The following ODAD1 variants were observed in gnomAD, a reference collection of about 807,000 sequenced individuals.
The protein encoded by ODAD1 is outer dynein arm docking complex subunit 1, also known as outer dynein arm-docking complex subunit 1.
In ODAD1, 49 loss-of-function variants were observed where a neutral mutation model predicts 67.2. The observed-to-expected ratio is 0.73, with a 90% CI of 0.58 to 0.92. ODAD1 has a LOEUF of 0.92. Ranked by LOEUF, ODAD1 falls within the 40% of genes least tolerant of loss-of-function variation. The pLI is 0.00. For synonymous variants in ODAD1, 345 were observed against 393.7 expected, an observed-to-expected ratio of 0.88 and a Z score of 1.46; for missense variants, 897 against 953.7, an observed-to-expected ratio of 0.94 and a Z score of 0.78.
chr19:48,306,536 G>A (rs1968612298), intron 7 of ODAD1, among the ~76,000 whole-genome samples: 1 of 152,146 alleles, frequency 6.6e-6, no homozygotes, highest in East Asian at 1.9e-4. Flanking sequence ...CTGTAGATAA[G>A]CAGAAACTAA....
intron 5 of ODAD1, among the ~76,000 whole-genome samples, chr19:48,314,757 A>G (rs1348367303): frequency 6.6e-6 from 1 of 152,018 alleles, no homozygotes; most frequent in Non-Finnish European, 1.5e-5. Context: ...CCTGGCCAAA[A>G]TGGTGAAACC....
intron 12 of ODAD1, among the ~76,000 whole-genome samples, chr19:48,300,595 C>T (rs1968437435): frequency 6.6e-6 from 1 of 151,898 alleles, no homozygotes; most frequent in Admixed American, 6.6e-5. Flanking sequence ...AAAAGGCAAG[C>T]TACAGTATAA....
intron 5 of ODAD1, among the ~76,000 whole-genome samples, chr19:48,313,593 T>C (rs1968827614): frequency 6.6e-6 from 1 of 151,796 alleles, no homozygotes; most frequent in African/African-American, 2.4e-5. Flanking sequence ...CTTAGAAAAA[T>C]GGGAAATTGC....
At chr19:48,305,837 G>C (rs1166719627) in intron 8 of ODAD1, among the ~76,000 whole-genome samples, 2 of 151,824 alleles carry the variant, frequency 1.3e-5, no homozygotes, top group African/African-American at 4.8e-5. Context: ...GAGGCGGGTA[G>C]ATCATGAGCT....
intron 13 of ODAD1, 23 bp downstream of exon 13, chr19:48,298,154 C>T (rs1968359056): frequency 6.2e-7 from 1 of 1,612,014 alleles, no homozygotes; most frequent in African/African-American, 1.3e-5. Flanking sequence ...GGCCTCCTGT[C>T]CCGGCTCCCT....
chr19:48,301,561 G>A (rs1255412904), intron 12 of ODAD1, among the ~76,000 whole-genome samples: 1 of 152,144 alleles, frequency 6.6e-6, no homozygotes, highest in Non-Finnish European at 1.5e-5. Context: ...AAGAAATTTG[G>A]TAACTAAGAC....
chr19:48,310,915 TA>T (rs774945356), intron 7 of ODAD1, among the ~76,000 whole-genome samples: 157 of 140,202 alleles, frequency 1.1e-3, no homozygotes, highest in Middle Eastern at 3.6e-3. Flanking sequence ...TGTCCCTACT[TA>T]AAAAAAAAAA....
intron 11 of ODAD1, 38 bp downstream of exon 11, chr19:48,302,975 G>T (rs938203086): frequency 6.2e-7 from 1 of 1,604,086 alleles, no homozygotes; most frequent in Non-Finnish European, 8.5e-7. Context: ...GGGAGGCCGG[G>T]AGGAGAGGAG....
Position 48,297,337 on chromosome 19 carries a change from C to T in ODAD1, c.1763G>A (p.Ser588Asn), listed in dbSNP as rs1443801835. 5.6e-6 allele frequency: 9 copies of T among 1,612,644 alleles called. 1 individual carries two copies. In the South Asian group the frequency reaches 9.9e-5, roughly 18 times the overall value. The change falls in exon 16 of 16, where the codon AGC (serine) becomes AAC (asparagine). Residue 588 changes from serine (S) to asparagine (N), a missense_variant. By Grantham distance (46) the Ser-to-Asn change is conservative. Transcript: ENST00000674294. ...GTGGCCAAGAGAGCCACGGTCTCTGCTAGTCTTGTGGCTCAAAATGGACCC... is the reference window on the plus strand; with the variant it reads ...GTGGCCAAGAGAGCCACGGTCTCTGTTAGTCTTGTGGCTCAAAATGGACCC... ...IPGSILSHKT[S>N]RDRGSLGHVT...
intron 10 of ODAD1, 24 bp from the exon 11 acceptor site, chr19:48,303,119 GC>G (rs761777190): frequency 2.6e-6 from 4 of 1,567,888 alleles, no homozygotes; most frequent in Non-Finnish European, 1.8e-6. Flanking sequence ...GCAAGGCGGG[GC>G]CCAGAGAGAG....
chr19:48,315,680 C>T (rs1968879629), intron 5 of ODAD1, among the ~76,000 whole-genome samples: 1 of 152,200 alleles, frequency 6.6e-6, no homozygotes, highest in Non-Finnish European at 1.5e-5. Flanking sequence ...CTCCCCCCAG[C>T]AATCACTCAT....
intron 7 of ODAD1, among the ~76,000 whole-genome samples, chr19:48,307,725 G>C (rs1968647883): frequency 6.6e-6 from 1 of 151,162 alleles, no homozygotes; most frequent in South Asian, 2.1e-4. Context: ...TGAGGCAGGA[G>C]AACGGCGTGA....
intron 5 of ODAD1, among the ~76,000 whole-genome samples, chr19:48,314,347 T>C (rs1215001063): frequency 6.6e-6 from 1 of 152,180 alleles, no homozygotes; most frequent in Non-Finnish European, 1.5e-5. Context: ...CTTCTGGCCT[T>C]TGGAACTATG....
chr19:48,312,157 T>C (rs1968780413), intron 5 of ODAD1, 41 bp from the exon 6 acceptor site: 3 of 1,524,252 alleles, frequency 2.0e-6, no homozygotes, highest in Non-Finnish European at 2.7e-6. Flanking sequence ...GTTGCCTGAA[T>C]GTGGGAGAGA....
chr19:48,306,420 G>T, intron 7 of ODAD1, 97 bp from the exon 8 acceptor site: 1 of 1,038,254 alleles, frequency 9.6e-7, no homozygotes, highest in Non-Finnish European at 1.5e-6. Flanking sequence ...AAGGAGTAAA[G>T]CTCTTGAGCC....
chr19:48,318,735 G>A lies in ODAD1; in HGVS notation c.148C>T (p.His50Tyr). Residue 50 changes from histidine (H) to tyrosine (Y), a missense_variant, in exon 4 of 16, where the codon CAC becomes TAC. His to Tyr is a moderately conservative substitution (Grantham distance 83). Transcript: ENST00000674294. ...CACAGTTGCTTGTTGATGCGCTGGT[G>A]GACTTCCTTGCTGTAGGCCCGCCTC... ...GERRAYSKEV[H>Y]QRINKQLEEI... 3.9e-6 allele frequency: 6 copies of A among 1,550,814 alleles called. No homozygotes were observed. The highest frequency in any genetic ancestry group is 5.2e-6 in the Non-Finnish European group (6 of 1,146,352).
In ODAD1 at chr19:48,297,420, G is replaced by T. The variant is rs138262031; in HGVS notation, c.1680C>A (p.Thr560=). ...GGACGGTACTGGAGCCGGCCCTCTG[G>T]GTGCTGGCCAGGTCCACGCTCAGGG... The part of the protein sequence containing the change: ...DGTLSVDLAS[T]QRAGSSTVLV... Residue 560 remains threonine, a synonymous_variant, in exon 16 of 16, where the codon ACC becomes ACA. Transcript: ENST00000674294. The T allele has an allele frequency of 2.3e-4, 363 of 1,604,964 alleles. 1 individual carries two copies. The East Asian group carries it at 5.3e-3, about 23-fold the overall frequency.
chr19:48,298,118 C>T (rs776541413), intron 13 of ODAD1, 21 bp from the exon 14 acceptor site: 32 of 1,611,682 alleles, frequency 2.0e-5, no homozygotes, highest in Non-Finnish European at 2.4e-5. Flanking sequence ...TGGGAGCCTG[C>T]GGTCAGCTGG....
In ODAD1 at chr19:48,296,748, G is replaced by A; in HGVS notation, c.*228C>T. 1 of 1,388,798 alleles carries A rather than the reference G, an allele frequency of 7.2e-7. No individual in the cohort carries two copies. Among genetic ancestry groups the A allele is most frequent in the African/African-American group, 1.5e-5 (1 of 68,324 alleles). The allele number at this position is 1,388,798 out of a possible 1,614,324, so 86.0% of individuals were successfully genotyped here. On this transcript the variant is annotated 3_prime_UTR_variant, in exon 16 of 16. Transcript: ENST00000674294. ...TGACCAGGAAGCCCAGAGAACAGGA[G>A]ATCAGGAGTCAGAGGGAAAAGCAGT...
Sources: allele counts gnomAD v4.1 joint callset (sites outside exome capture counted in the v4.1 genomes callset), GRCh38; gene constraint gnomAD v4.1.1; transcripts MANE v1.5; gene names NCBI Gene and HGNC (gene_info 2026-07-23, HGNC 2026-07-21).